Variants in GAD1 observed in about 807,000 individuals in gnomAD.
GAD1 encodes the protein glutamate decarboxylase 1.
In GAD1, 35 loss-of-function variants were observed where a neutral mutation model predicts 75.2. That is an observed-to-expected ratio of 0.47 (90% CI 0.36 to 0.62). The LOEUF (loss-of-function observed/expected upper bound fraction) is 0.62, where lower values mean the gene tolerates loss of function less well. Among genes scored for constraint, GAD1 ranks in the 20% least tolerant of loss-of-function variants. GAD1 has a pLI of 0.00. For synonymous variants in GAD1, 257 were observed against 271.9 expected (o/e 0.95, Z 0.54); for missense variants, 490 against 758.5 (o/e 0.65, Z 4.16).
At position 170,842,587 on chromosome 2, in the gene GAD1, G is replaced by A. The variant is rs747269862; in HGVS notation, c.639-1458G>A. On this transcript the variant is annotated intron_variant, in intron 6 of 16. Coordinates refer to ENST00000358196, the MANE Select transcript of GAD1 (RefSeq NM_000817.3). ...TTATCAGGCCATCAGACATGAGGGA[G>A]TGTTGGTTGCTACGGTGATGGGGCT... 51 of 1,613,960 alleles carry A rather than the reference G, an allele frequency of 3.2e-5. No homozygotes were observed. Among genetic ancestry groups the A allele is most frequent in the Admixed American group, 5.0e-5 (3 of 59,992 alleles).
chr2:170,843,887 G>T, intron 6 of GAD1, 158 bp from the exon 7 acceptor site: 2 of 632,462 alleles, frequency 3.2e-6, no homozygotes, highest in Non-Finnish European at 5.7e-6. Flanking sequence ...TTTATGATCG[G>T]CGACTTAATG....
intron 2 of GAD1, among the ~76,000 whole-genome samples, chr2:170,821,458 T>G (rs1402014426): frequency 1.3e-5 from 2 of 152,132 alleles, no homozygotes; most frequent in Admixed American, 6.5e-5. Flanking sequence ...GGGCCAGGGA[T>G]GAGGACCTGA....
chr2:170,839,952 A>G (rs1702470302), intron 6 of GAD1, among the ~76,000 whole-genome samples: 2 of 152,198 alleles, frequency 1.3e-5, no homozygotes, highest in Non-Finnish European at 1.5e-5. Flanking sequence ...GAAATTCTCT[A>G]TGGGAGTTAT....
chr2:170,845,846 T>G, intron 9 of GAD1, 61 bp downstream of exon 9: 1 of 1,546,204 alleles, frequency 6.5e-7, no homozygotes, highest in Non-Finnish European at 8.9e-7. Flanking sequence ...TCTGTTAAAT[T>G]TGTTTTATTG....
Position 170,853,261 on chromosome 2 carries a change from C to A in GAD1, c.1263+469C>A. Reference sequence around the variant, plus strand: ...ACAAGGAATATTGCCCCAAAAGCTGCTGTAAATGGTTGAGCCTCATATTCC... The same window carrying A: ...ACAAGGAATATTGCCCCAAAAGCTGATGTAAATGGTTGAGCCTCATATTCC... On this transcript the variant is annotated intron_variant, in intron 13 of 16. Transcript: ENST00000358196. This position sits in a 1 kb window ranked among gnomAD's most constrained non-coding sequence, Gnocchi z 4.1. The A allele has an allele frequency of 4.6e-6, 1 of 215,202 alleles. No homozygotes were observed. The highest frequency in any genetic ancestry group is 9.4e-6 in the Non-Finnish European group (1 of 106,234). The allele number at this position is 215,202 out of a possible 1,614,324, so 13.3% of individuals were successfully genotyped here.
At position 170,845,811 on chromosome 2, in the gene GAD1, G is replaced by A. The variant is rs1311226905; in HGVS notation, c.947+26G>A. 4 of 1,599,824 alleles carry A rather than the reference G, an allele frequency of 2.5e-6. No individual in the cohort carries two copies. The South Asian group carries it at 4.4e-5, about 18-fold the overall frequency. Reference sequence around the variant, plus strand: ...GTAGGCAGGGGAGGGTGAATATTAGGTTCTTGATGTATTAAATGTGTTCAT... The same window carrying A: ...GTAGGCAGGGGAGGGTGAATATTAGATTCTTGATGTATTAAATGTGTTCAT... On this transcript the variant is annotated intron_variant, in intron 9 of 16. Transcript: ENST00000358196.
Position 170,818,723 on chromosome 2 carries a change from G to A in GAD1, c.82+50G>A, listed in dbSNP as rs767222596. 2 of 1,559,710 alleles carry A rather than the reference G, an allele frequency of 1.3e-6. No homozygotes were observed. The highest frequency in any genetic ancestry group is 1.8e-6 in the Non-Finnish European group (2 of 1,130,396). ...CAAATGAACTGCAGGGAAGATGGGG[G>A]CGCTGGGACGTCGGGAGGCTGAGCT... is the stretch of plus-strand genomic sequence containing the variant. On this transcript the variant is annotated intron_variant, in intron 2 of 16. Transcript: ENST00000358196. The surrounding 1 kb of genome is among the most constrained non-coding windows in gnomAD (Gnocchi z 5.9).
chr2:170,816,491 A>G (rs1214283780), upstream of GAD1: 1 of 151,912 alleles, frequency 6.6e-6, no homozygotes, highest in Non-Finnish European at 1.5e-5. Context: ...GTCTCCTACA[A>G]TATATGGGAG....
intron 6 of GAD1, 48 bp from the exon 7 acceptor site, chr2:170,843,997 G>A: frequency 9.5e-7 from 1 of 1,054,840 alleles, no homozygotes; most frequent in Non-Finnish European, 1.5e-6. Flanking sequence ...AAAATAAGTG[G>A]TTTGACTTCT....
At chr2:170,848,774 A>G (rs1288419779) in intron 11 of GAD1, 1 of 518,922 alleles carries the variant, frequency 1.9e-6, no homozygotes, top group Non-Finnish European at 3.8e-6. Context: ...CATCCCAACT[A>G]TTCAGTAAAC....
intron 12 of GAD1, 45 bp from the exon 13 acceptor site, chr2:170,852,669 T>G (rs1037223879): frequency 1.9e-6 from 3 of 1,551,038 alleles, no homozygotes; most frequent in Non-Finnish European, 2.7e-6. Context: ...CAGTTGCGTC[T>G]TTCCAACTCC....
At chr2:170,854,355 A>T (rs1438019932) in intron 14 of GAD1, among the ~76,000 whole-genome samples, 3 of 152,120 alleles carry the variant, frequency 2.0e-5, no homozygotes, top group Non-Finnish European at 4.4e-5. Context: ...AAAGATAAAA[A>T]AAAATAAAAT....
At chr2:170,843,016 A>G (rs1702551214) in intron 6 of GAD1, among the ~76,000 whole-genome samples, 1 of 152,206 alleles carries the variant, frequency 6.6e-6, no homozygotes, top group Non-Finnish European at 1.5e-5. Context: ...CAGTCTAGGC[A>G]TCTCTTTTCG....
upstream of GAD1, among the ~76,000 whole-genome samples, chr2:170,815,092 G>A (rs1701671170): frequency 6.6e-6 from 1 of 152,178 alleles, no homozygotes; most frequent in Admixed American, 6.5e-5. Flanking sequence ...ATTGGTGCGA[G>A]CGTCTCGTTT....
intron 2 of GAD1, among the ~76,000 whole-genome samples, chr2:170,819,778 A>T (rs954301463): frequency 6.6e-6 from 1 of 152,196 alleles, no homozygotes; most frequent in Non-Finnish European, 1.5e-5. Flanking sequence ...GTGTGGTTAC[A>T]GGGAGTGCTT....
At position 170,859,928 on chromosome 2, in the gene GAD1, G is replaced by A; in HGVS notation, c.*46G>A. 1 of 1,575,562 alleles carries A rather than the reference G, an allele frequency of 6.3e-7. No homozygotes were observed. Among genetic ancestry groups the A allele is most frequent in the Non-Finnish European group, 8.7e-7 (1 of 1,149,066 alleles). On this transcript the variant is annotated 3_prime_UTR_variant, in exon 17 of 17. Coordinates refer to ENST00000358196, the MANE Select transcript of GAD1 (RefSeq NM_000817.3). Reference sequence around the variant, plus strand: ...GTTTATGGGAATGCCTTTTCCCTCTGGCACTCCAGAACAAACCTCTATATG... The same window carrying A: ...GTTTATGGGAATGCCTTTTCCCTCTAGCACTCCAGAACAAACCTCTATATG...
rs186348693 is a variant in GAD1 at position 170,842,406 on chromosome 2, G to A, written c.639-1639G>A. 1.3e-4 allele frequency among the ~76,000 whole-genome samples: 20 copies of A among 152,252 alleles called. No homozygotes were observed. The South Asian group carries it at 1.4e-3, about 11-fold the overall frequency. ...CAGACACTGCCACCAGTATCTCCTC[G>A]CCATGCAAACATTTTTGTCATGTCA... On this transcript the variant is annotated intron_variant, in intron 6 of 16. Coordinates refer to ENST00000358196, the MANE Select transcript of GAD1 (RefSeq NM_000817.3).
intron 5 of GAD1, among the ~76,000 whole-genome samples, chr2:170,831,594 A>ATGTGTGTGTGTGTGTG (rs370649454): frequency 7.1e-4 from 87 of 122,780 alleles, no homozygotes; most frequent in African/African-American, 2.2e-3. Context: ...GTCTCTACAT[A>ATGTGTGTGTGTGTGTG]TGTGTGTGTG....
intron 5 of GAD1, among the ~76,000 whole-genome samples, chr2:170,836,302 A>G (rs558744647): frequency 6.6e-6 from 1 of 152,274 alleles, no homozygotes; most frequent in East Asian, 1.9e-4. Flanking sequence ...AAACTTGGCA[A>G]CAATCCTGAA....
Sources: gnomAD v4.1 joint callset for allele counts (sites outside exome capture counted in the v4.1 genomes callset) on GRCh38, gnomAD v4.1.1 for gene constraint, Gnocchi (gnomAD v3.1) non-coding constraint, MANE v1.5 for transcripts, NCBI Gene and HGNC (gene_info 2026-07-23, HGNC 2026-07-21) for gene names.